Variants in FH observed in about 807,000 individuals in gnomAD.
FH encodes the protein fumarate hydratase, mitochondrial.
Under a neutral mutation model 49.4 loss-of-function variants are expected in FH, and 22 were observed. That is an observed-to-expected ratio of 0.45 (90% CI 0.32 to 0.64). The LOEUF (loss-of-function observed/expected upper bound fraction) is 0.64. Ranked by LOEUF, FH falls within the 30% of genes least tolerant of loss-of-function variation. FH has a pLI of 0.05. For missense variants in FH, 526 were observed against 641.5 expected (o/e 0.82, Z 1.95); for synonymous variants, 208 against 223.0 (o/e 0.93, Z 0.60).
At chr1:241,503,968 G>T in intron 7 of FH, 74 bp downstream of exon 7, 1 of 1,420,598 alleles carries the variant, frequency 7.0e-7, no homozygotes, top group Non-Finnish European at 9.8e-7. Flanking sequence ...AACAAAGAGA[G>T]ACATGGTCCA....
At chr1:241,512,790 T>C (rs541207337) in intron 3 of FH, among the ~76,000 whole-genome samples, 2 of 152,306 alleles carry the variant, frequency 1.3e-5, no homozygotes, top group Non-Finnish European at 2.9e-5. Context: ...TATAAAAATA[T>C]GTGATTAGTG....
In FH at chr1:241,500,602, TGAGAGAGAGAGAGAGAGA is replaced by T. The variant is rs144131869; in HGVS notation, c.1237-30_1237-13del. 9.4e-6 allele frequency: 14 copies of T among 1,490,630 alleles called. No homozygotes were observed. Among genetic ancestry groups the T allele is most frequent in the African/African-American group, 6.0e-5 (4 of 66,156 alleles). 92.3% of individuals were successfully genotyped at this position (1,490,630 alleles called of 1,614,324 possible). On this transcript the variant is annotated splice_polypyrimidine_tract_variant and intron_variant, in intron 8 of 9. Transcript: ENST00000366560. ...AACACATTTTTAATCTTTGAGTGAG[TGAGAGAGAGAGAGAGAGA>T]GAGAGAGAGAGAGAGAGAGACATTA...
intron 9 of FH, 45 bp from the exon 10 acceptor site, chr1:241,498,015 T>G (rs773647902): frequency 1.2e-6 from 2 of 1,607,684 alleles, no homozygotes; most frequent in Non-Finnish European, 1.7e-6. Flanking sequence ...GCAGTGATAT[T>G]TGGTTTCCTA....
In FH at chr1:241,497,884, T is replaced by C. The variant is rs777256203; in HGVS notation, c.1477A>G (p.Thr493Ala). The change falls in exon 10 of 10, where the codon ACA becomes GCA. Residue 493 changes from threonine to alanine, a missense_variant. Thr to Ala is a moderately conservative substitution (Grantham distance 58). Around this residue, in one of 2 missense-constraint regions of FH, gnomAD observed 383 missense variants for 514.0 expected, o/e 0.75. Coordinates refer to ENST00000366560, the MANE Select transcript of FH (RefSeq NM_000143.4). ...KETAIELGYL[T>A]AEQFDEWVKP... Reference sequence around the variant, plus strand: ...ACCCATTCGTCAAACTGCTCTGCTGTGAGATAGCCAAGTTCGATAGCAGTT... The same window carrying C: ...ACCCATTCGTCAAACTGCTCTGCTGCGAGATAGCCAAGTTCGATAGCAGTT... The C allele has an allele frequency of 2.5e-6, 4 of 1,612,684 alleles. No individual in the cohort carries two copies. Among genetic ancestry groups the C allele is most frequent in the Non-Finnish European group, 3.4e-6 (4 of 1,179,412 alleles).
At chr1:241,519,421 G>C in intron 1 of FH, 170 bp downstream of exon 1, 1 of 742,124 alleles carries the variant, frequency 1.3e-6, no homozygotes, top group Non-Finnish European at 2.0e-6. Flanking sequence ...GCCGGAAGAG[G>C]CGTCCCGAGG....
intron 1 of FH, among the ~76,000 whole-genome samples, chr1:241,518,045 G>T (rs1573888931): frequency 6.6e-6 from 1 of 152,182 alleles, no homozygotes; most frequent in African/African-American, 2.4e-5. Flanking sequence ...ACAGGGCCTG[G>T]TAAGTGGAAG....
At chr1:241,517,397 G>A in intron 1 of FH, 81 bp from the exon 2 acceptor site, 2 of 1,496,570 alleles carry the variant, frequency 1.3e-6, no homozygotes, top group Non-Finnish European at 1.8e-6. Context: ...AGCTGTTAAA[G>A]AGAAAGAAAC....
chr1:241,512,739 G>T (rs1315062763), intron 3 of FH, among the ~76,000 whole-genome samples: 1 of 152,100 alleles, frequency 6.6e-6, no homozygotes, highest in Non-Finnish European at 1.5e-5. Context: ...CTATTACCTT[G>T]AACAACTGGT....
intron 5 of FH, 122 bp downstream of exon 5, chr1:241,508,481 A>T: frequency 3.8e-6 from 3 of 779,556 alleles, no homozygotes; most frequent in Non-Finnish European, 6.9e-6. Context: ...GAACAGAACA[A>T]CCTCTGTCAC....
At position 241,497,902 on chromosome 1, in the gene FH, T is replaced by C. The variant is rs1391195810; in HGVS notation, c.1459A>G (p.Ile487Val). 6 of 1,613,760 alleles carry C rather than the reference T, an allele frequency of 3.7e-6. No individual in the cohort carries two copies. The highest frequency in any genetic ancestry group is 1.1e-5 in the South Asian group (1 of 91,064). Residue 487 changes from isoleucine to valine, a missense_variant, in exon 10 of 10, where the codon ATC becomes GTC. This residue lies in a region of FH where 383 missense variants were observed against 514.0 expected (regional missense o/e 0.75). Transcript: ENST00000366560. ...KNGSTLKETA[I>V]ELGYLTAEQF... ...TCTGCTGTGAGATAGCCAAGTTCGA[T>C]AGCAGTTTCCTTTAAGGTTGATCCA...
chr1:241,499,906 C>T (rs895949595), intron 9 of FH, among the ~76,000 whole-genome samples: 1 of 152,182 alleles, frequency 6.6e-6, no homozygotes, highest in African/African-American at 2.4e-5. Context: ...AATACAATAG[C>T]ATGGTTTTAG....
rs398123166 is a variant in FH at position 241,508,781 on chromosome 1, G to C, written c.560C>G (p.Ser187Ter). The C allele has an allele frequency of 1.2e-6, 2 of 1,613,020 alleles. No homozygotes were observed. The highest frequency in any genetic ancestry group is 2.7e-5 in the African/African-American group (2 of 74,852). ...PNDHVNKSQS[S>*]NDTFPTAMHI... ...CATTGCTGTGGGAAAAGTATCATTT[G>C]AGCTCTGTTGGAAATTTTTCAAAAG... is the stretch of plus-strand genomic sequence containing the variant. The change falls in exon 5 of 10, where the codon TCA becomes TGA. Residue 187 changes from serine to a stop codon, truncating the protein, a stop_gained. Transcript: ENST00000366560. LOFTEE classifies it high-confidence loss of function.
At chr1:241,503,519 C>T (rs1659834307) in intron 7 of FH, among the ~76,000 whole-genome samples, 2 of 152,184 alleles carry the variant, frequency 1.3e-5, no homozygotes, top group South Asian at 2.1e-4. Flanking sequence ...CAGAGCCCTT[C>T]AGCTTGTTAC....
Position 241,497,923 on chromosome 1 carries a change from A to C in FH, c.1438T>G (p.Ser480Ala). 6.2e-7 allele frequency: 1 copy of C among 1,613,758 alleles called. No individual in the cohort carries two copies. Among genetic ancestry groups the C allele is most frequent in the Non-Finnish European group, 8.5e-7 (1 of 1,179,816 alleles). Residue 480 changes from serine to alanine, a missense_variant, in exon 10 of 10, where the codon TCA becomes GCA. By Grantham distance (99) the Ser-to-Ala change is moderately conservative. Around this residue, in one of 2 missense-constraint regions of FH, gnomAD observed 383 missense variants for 514.0 expected, o/e 0.75. Coordinates refer to ENST00000366560, the MANE Select transcript of FH (RefSeq NM_000143.4). ...KIAKTAHKNG[S>A]TLKETAIELG... Reference sequence around the variant, plus strand: ...TCGATAGCAGTTTCCTTTAAGGTTGATCCATTTTTGTGTGCTGTCTTAGCA... The same window carrying C: ...TCGATAGCAGTTTCCTTTAAGGTTGCTCCATTTTTGTGTGCTGTCTTAGCA...
intron 3 of FH, among the ~76,000 whole-genome samples, chr1:241,512,402 T>C (rs1387739918): frequency 2.0e-5 from 3 of 152,240 alleles, no homozygotes; most frequent in African/African-American, 4.8e-5. Flanking sequence ...CTGTTAAGGC[T>C]GGCAAATACG....
rs555404867 is a variant in FH at position 241,519,660 on chromosome 1, G to A, written c.63C>T (p.Ala21=). ...SRPLVRAPAA[A]LASAPGLGGA... ...CACCCAAGCCGGGAGCCGAAGCTAA[G>A]GCTGCGGCTGGAGCCCGCACGAGGG... is the stretch of plus-strand genomic sequence containing the variant. Residue 21 remains alanine, a synonymous_variant, in exon 1 of 10, where the codon GCC becomes GCT. Transcript: ENST00000366560. The A allele has an allele frequency of 7.8e-6, 12 of 1,547,890 alleles. No homozygotes were observed. The African/African-American group carries it at 1.4e-4, about 18-fold the overall frequency.
intron 9 of FH, 116 bp from the exon 10 acceptor site, chr1:241,498,086 ATTTT>A (rs1278136982): frequency 4.1e-6 from 4 of 985,414 alleles, no homozygotes; most frequent in African/African-American, 1.6e-5. Context: ...CTTAAATGAC[ATTTT>A]TTGTTTTTAA....
chr1:241,498,893 T>C (rs1031972039), intron 9 of FH, among the ~76,000 whole-genome samples: 1 of 151,154 alleles, frequency 6.6e-6, no homozygotes, highest in African/African-American at 2.4e-5. Flanking sequence ...TAATCAGCTA[T>C]AAAAGAAAGC....
rs201168370 is a variant in FH, at chr1:241,512,192, C to T, written c.379-49G>A. 1.1e-4 allele frequency: 169 copies of T among 1,516,912 alleles called. No individual in the cohort carries two copies. Among genetic ancestry groups the T allele is most frequent in the Admixed American group, 5.2e-4 (31 of 59,574 alleles). 94.0% of individuals were successfully genotyped at this position (1,516,912 alleles called of 1,614,324 possible). ...TATTTTAAAAAAGGAAATAATAATG[C>T]TGATTATGCCACAGAGTTTGAATAC... On this transcript the variant is annotated intron_variant, in intron 3 of 9. Coordinates refer to ENST00000366560, the MANE Select transcript of FH (RefSeq NM_000143.4).
Sources: allele counts gnomAD v4.1 joint callset (sites outside exome capture counted in the v4.1 genomes callset), GRCh38; gene constraint gnomAD v4.1.1; regional missense constraint gnomAD v4.1.1; transcripts MANE v1.5; gene names NCBI Gene and HGNC (gene_info 2026-07-23, HGNC 2026-07-21).